Variants in HTR3A observed in about 807,000 individuals in gnomAD.
HTR3A encodes 5-hydroxytryptamine receptor 3A, also known as 5-hydroxytryptamine (serotonin) receptor 3A, ionotropic.
HTR3A carries 45 observed loss-of-function variants against 54.8 expected under a neutral mutation model. That is an observed-to-expected ratio of 0.82 (90% CI 0.65 to 1.05). The LOEUF (loss-of-function observed/expected upper bound fraction) is 1.05, where lower values mean the gene tolerates loss of function less well. HTR3A is among the 50% of genes least tolerant of loss of function. The pLI, the probability that HTR3A is intolerant of heterozygous loss-of-function variation, is 0.00. For synonymous variants in HTR3A, 297 were observed against 256.0 expected, an observed-to-expected ratio of 1.16 and a Z score of -1.53; for missense variants, 657 against 614.0, an observed-to-expected ratio of 1.07 and a Z score of -0.74.
In HTR3A at chr11:113,989,667, C is replaced by T. The variant is rs35944954; in HGVS notation, c.1341C>T (p.Ser447=). Residue 447 remains serine, a synonymous_variant, in exon 9 of 9, where the codon TCC becomes TCT. Coordinates refer to ENST00000504030, the MANE Select transcript of HTR3A (RefSeq NM_000869.6). This position sits in a 1 kb window ranked among gnomAD's most constrained non-coding sequence, Gnocchi z 4.4. The stretch of plus-strand genomic sequence containing the variant: ...CCCGAGACTGGCTGCGCGTGGGCTC[C>T]GTGCTGGACAAGCTGCTATTCCACA... ...EVARDWLRVG[S]VLDKLLFHIY... 1.5e-3 allele frequency: 2,463 copies of T among 1,614,116 alleles called. 26 individuals are homozygous for T. In the African/African-American group the frequency reaches 0.027, roughly 18 times the overall value.
intron 8 of HTR3A, among the ~76,000 whole-genome samples, chr11:113,987,700 C>T (rs1276654015): frequency 6.6e-6 from 1 of 152,040 alleles, no homozygotes; most frequent in African/African-American, 2.4e-5. Context: ...ATCACTGCAT[C>T]CCACCTGGAG....
rs780444840 is a variant in HTR3A at position 113,983,139 on chromosome 11, C to T, written c.394C>T (p.Pro132Ser). 1.2e-6 allele frequency: 2 copies of T among 1,614,232 alleles called. No homozygotes were observed. Among genetic ancestry groups the T allele is most frequent in the Middle Eastern group, 3.3e-4 (2 of 6,062 alleles). ...INEFVDVGKSPNIPYVYIRHQ... is the reference protein window; with the variant it reads ...INEFVDVGKSSNIPYVYIRHQ... ...CGCCAGCGTGGATGTGGGGAAGTCT[C>T]CAAATATCCCGTACGTGTATATTCG... The change falls in exon 5 of 9, where the codon CCA becomes TCA. Residue 132 changes from proline to serine, a missense_variant. Physicochemically the swap from Pro to Ser is moderately conservative, Grantham distance 74. Coordinates refer to ENST00000504030, the MANE Select transcript of HTR3A (RefSeq NM_000869.6).
At position 113,989,586 on chromosome 11, in the gene HTR3A, G is replaced by A; in HGVS notation, c.1260G>A (p.Gln420=). 1 of 1,614,180 alleles carries A rather than the reference G, an allele frequency of 6.2e-7. No homozygotes were observed. Among genetic ancestry groups the A allele is most frequent in the Non-Finnish European group, 8.5e-7 (1 of 1,180,024 alleles). ...CGCTGGCGGTGTGTGGGCTGCTGCA[G>A]GAGCTGTCCTCCATCCGGCAATTCC... The part of the protein sequence containing the change: ...EASLAVCGLL[Q]ELSSIRQFLE... Residue 420 remains glutamine (Q), a synonymous_variant, in exon 9 of 9, where the codon CAG becomes CAA. Transcript: ENST00000504030. This position sits in a 1 kb window ranked among gnomAD's most constrained non-coding sequence, Gnocchi z 4.4.
At position 113,990,280 on chromosome 11, in the gene HTR3A, G is replaced by C. The variant is rs774865014; in HGVS notation, c.*517G>C. On this transcript the variant is annotated 3_prime_UTR_variant, in exon 9 of 9. Transcript: ENST00000504030. ...ACACTCATCCCCCATCAGATGATGG[G>C]AGTGGGAAGAATAAAATGCAGTGAA... 2.3e-6 allele frequency: 1 copy of C among 435,968 alleles called. No individual in the cohort carries two copies. Among genetic ancestry groups the C allele is most frequent in the Non-Finnish European group, 4.6e-6 (1 of 215,786 alleles). The allele number at this position is 435,968 out of a possible 1,614,324, so 27.0% of individuals were successfully genotyped here. A position where few individuals can be genotyped will look rare whatever the true frequency, so the allele number is the denominator to read the frequency against.
chr11:113,975,881 C>G (rs981848288), intron 1 of HTR3A, among the ~76,000 whole-genome samples: 2 of 152,172 alleles, frequency 1.3e-5, no homozygotes, highest in African/African-American at 2.4e-5. Flanking sequence ...CTTTCCTCAG[C>G]TTCACTGGTT....
At position 113,986,663 on chromosome 11, in the gene HTR3A, A is replaced by G; in HGVS notation, c.851A>G (p.Tyr284Cys). The change falls in exon 7 of 9, where the codon TAC becomes TGC. Residue 284 changes from tyrosine (Y) to cysteine (C), a missense_variant. Transcript: ENST00000504030. ...VSFKITLLLG[Y>C]SVFLIIVSDT... is the part of the protein sequence containing the mutation. ...TTCAAGATTACACTCCTCCTGGGCT[A>G]CTCGGTCTTCCTGATCATCGTTTCT... 1.2e-6 allele frequency: 2 copies of G among 1,613,880 alleles called. No individual in the cohort carries two copies. Among genetic ancestry groups the G allele is most frequent in the Non-Finnish European group, 1.7e-6 (2 of 1,179,994 alleles).
chr11:113,981,207 G>A lies in HTR3A; in HGVS notation c.269G>A (p.Trp90Ter), dbSNP rs1038130014. Residue 90 changes from tryptophan (W) to a stop codon, truncating the protein, a stop_gained, in exon 4 of 9, where the codon TGG (tryptophan) becomes TAG (stop). Coordinates refer to ENST00000504030, the MANE Select transcript of HTR3A (RefSeq NM_000869.6). LOFTEE classifies it high-confidence loss of function. ...CCATCCCTGCTCCTCCCCTAGTACT[G>A]GACTGATGAGTTTCTCCAGTGGAAC... ...LTTYIWYRQY[W>*]TDEFLQWNPE... 4 of 1,605,150 alleles carry A rather than the reference G, an allele frequency of 2.5e-6. No individual in the cohort carries two copies. The African/African-American group carries it at 5.3e-5, about 21-fold the overall frequency.
chr11:113,983,815 C>A (rs1950454451), intron 5 of HTR3A, among the ~76,000 whole-genome samples: 1 of 152,116 alleles, frequency 6.6e-6, no homozygotes, highest in African/African-American at 2.4e-5. Flanking sequence ...AGCTGGTTTC[C>A]CCATGCATTC....
chr11:113,982,160 G>A (rs191881987), intron 4 of HTR3A, among the ~76,000 whole-genome samples: 84 of 152,216 alleles, frequency 5.5e-4, no homozygotes, highest in Non-Finnish European at 1.1e-3. Flanking sequence ...TTTGGCCCCA[G>A]ACAACATTCC....
At chr11:113,977,451 G>A (rs375140040) in intron 1 of HTR3A, 17 of 1,197,610 alleles carry the variant, frequency 1.4e-5, no homozygotes, top group Middle Eastern at 1.9e-4. Context: ...CTTAGGCCCC[G>A]TGGGCCACCT....
intron 3 of HTR3A, among the ~76,000 whole-genome samples, chr11:113,980,610 T>G (rs770767464): frequency 5.3e-5 from 8 of 152,222 alleles, no homozygotes; most frequent in Non-Finnish European, 1.0e-4. Context: ...TGCATACGGC[T>G]GCAGTGTAGA....
intron 2 of HTR3A, among the ~76,000 whole-genome samples, chr11:113,978,269 C>G (rs907494375): frequency 9.8e-5 from 15 of 152,344 alleles, no homozygotes; most frequent in African/African-American, 3.4e-4. Flanking sequence ...ACACACATCC[C>G]TGGTACCTGG....
Position 113,977,726 on chromosome 11 carries a change from A to T in HTR3A, c.68-45A>T, listed in dbSNP as rs191705088. The T allele has an allele frequency of 5.4e-4, 865 of 1,605,270 alleles. 2 individuals carry two copies. The African/African-American group carries it at 0.011, about 20-fold the overall frequency. On this transcript the variant is annotated intron_variant, in intron 1 of 8. Transcript: ENST00000504030. ...AAACCAGGACAAGAGAACCGGGGGA[A>T]GTCTTGGGGGGCTGGTGTCTACTTT...
chr11:113,983,559 C>T lies in HTR3A; in HGVS notation c.544+270C>T, dbSNP rs1444725046. On this transcript the variant is annotated intron_variant, in intron 5 of 8. Transcript: ENST00000504030. ...ATTTACATTCACACATTCATGTGTG[C>T]GTATATATACACACATACACATCTA... Among the ~76,000 whole-genome samples the T allele has an allele frequency of 2.6e-5, 4 of 152,194 alleles. No homozygotes were observed. The East Asian group carries it at 7.7e-4, about 29-fold the overall frequency.
intron 2 of HTR3A, among the ~76,000 whole-genome samples, chr11:113,978,517 T>C (rs938704654): frequency 6.6e-6 from 1 of 152,118 alleles, no homozygotes; most frequent in African/African-American, 2.4e-5. Flanking sequence ...TCTACCAAAA[T>C]TAGTCAGCCC....
intron 1 of HTR3A, chr11:113,977,546 T>C: frequency 6.4e-7 from 1 of 1,550,498 alleles, no homozygotes; most frequent in Non-Finnish European, 8.7e-7. Context: ...TCTGCTTTCC[T>C]GTCAATGAAT....
intron 3 of HTR3A, 147 bp downstream of exon 3, chr11:113,979,424 C>T: frequency 1.4e-6 from 1 of 691,404 alleles, no homozygotes; most frequent in South Asian, 1.5e-5. Flanking sequence ...TGTGGAATCT[C>T]CTCATCTCAG....
Position 113,989,459 on chromosome 11 carries a change from T to G in HTR3A, c.1139-6T>G, listed in dbSNP as rs1326438651. On this transcript the variant is annotated splice_region_variant and splice_polypyrimidine_tract_variant and intron_variant, in intron 8 of 8. Transcript: ENST00000504030. The surrounding 1 kb of genome is among the most constrained non-coding windows in gnomAD (Gnocchi z 4.4). ...CTCTCTTGCCAATGCCCTGCCCTTC[T>G]TCCAGCCATGGGAAACCACTGCAGC... 6.2e-7 allele frequency: 1 copy of G among 1,614,006 alleles called. No individual in the cohort carries two copies. Among genetic ancestry groups the G allele is most frequent in the Admixed American group, 1.7e-5 (1 of 60,030 alleles).
Position 113,989,455 on chromosome 11 carries a change from C to T in HTR3A, c.1139-10C>T. On this transcript the variant is annotated splice_polypyrimidine_tract_variant and intron_variant, in intron 8 of 8. Coordinates refer to ENST00000504030, the MANE Select transcript of HTR3A (RefSeq NM_000869.6). The surrounding 1 kb of genome is among the most constrained non-coding windows in gnomAD (Gnocchi z 4.4). ...CTCCCTCTCTTGCCAATGCCCTGCCCTTCTTCCAGCCATGGGAAACCACTG... is the reference window on the plus strand; with the variant it reads ...CTCCCTCTCTTGCCAATGCCCTGCCTTTCTTCCAGCCATGGGAAACCACTG... 1 of 1,613,948 alleles carries T rather than the reference C, an allele frequency of 6.2e-7. No homozygotes were observed. The highest frequency in any genetic ancestry group is 8.5e-7 in the Non-Finnish European group (1 of 1,179,996).
Sources: allele counts gnomAD v4.1 joint callset (sites outside exome capture counted in the v4.1 genomes callset), GRCh38; gene constraint gnomAD v4.1.1; non-coding constraint Gnocchi (gnomAD v3.1); transcripts MANE v1.5; gene names NCBI Gene and HGNC (gene_info 2026-07-23, HGNC 2026-07-21).